The following PAK3 variants were observed in gnomAD, a reference collection of about 807,000 sequenced individuals.
The protein encoded by PAK3 is p21 (RAC1) activated kinase 3.
In PAK3, 4 loss-of-function variants were observed where a neutral mutation model predicts 41.0. The ratio of observed to expected loss-of-function variants is 0.10; its 90% CI spans 0.05 to 0.22. The LOEUF is 0.22. Ranked by LOEUF, PAK3 falls within the 10% of genes least tolerant of loss-of-function variation. The probability of loss-of-function intolerance (pLI) is 1.00; values close to 1 mark genes in which losing one functional copy is unlikely to be tolerated. For synonymous variants in PAK3, 146 were observed against 139.6 expected, an observed-to-expected ratio of 1.05 and a Z score of -0.32; for missense variants, 205 against 409.9, an observed-to-expected ratio of 0.50 and a Z score of 4.32.
intron 1 of PAK3, among the ~76,000 whole-genome samples, chrX:111,045,371 A>G (rs752514247): frequency 1.1e-4 from 12 of 111,995 alleles, no homozygotes; most frequent in African/African-American, 3.9e-4. Flanking sequence ...CAACAGTTAT[A>G]TTTTCTGGCA....
At chrX:111,148,135 T>C (rs1454643877) in intron 7 of PAK3, among the ~76,000 whole-genome samples, 1 of 112,028 alleles carries the variant, frequency 8.9e-6, no homozygotes, top group African/African-American at 3.2e-5. Context: ...CTTGAACTGG[T>C]AGTCACAATT....
chrX:111,123,380 C>G, intron 5 of PAK3, 102 bp downstream of exon 5: 1 of 686,148 alleles, frequency 1.5e-6, no homozygotes, highest in Non-Finnish European at 2.3e-6. Context: ...TGTTCAGGGC[C>G]TGCCGGCCCT....
At chrX:111,200,618 T>C (rs754804679) in intron 16 of PAK3, among the ~76,000 whole-genome samples, 27 of 112,192 alleles carry the variant, frequency 2.4e-4, no homozygotes, top group Non-Finnish European at 4.3e-4. Context: ...CATGGGCTTT[T>C]CCTTATTGTT....
intron 1 of PAK3, among the ~76,000 whole-genome samples, chrX:111,006,831 TTCTTTCTTTCTTTCTTTC>T (rs1194930151): frequency 0.018 from 252 of 13,830 alleles, no homozygotes; most frequent in Admixed American, 0.048. Flanking sequence ...CTTTCTTTCT[TTCTTTCTTTCTTTCTTTC>T]TTTTTTTTTT....
In PAK3 at chrX:110,955,653, A is replaced by C. The variant is rs917200349; in HGVS notation, c.-28+11025A>C. Among the ~76,000 whole-genome samples the C allele has an allele frequency of 1.1e-4, 12 of 111,984 alleles. No individual in the cohort carries two copies. In the Admixed American group the frequency reaches 1.1e-3, roughly 11 times the overall value. ...ACCCTGTCTCTTGATAAAACAGGAA[A>C]GAAAGGGAGAAACCAAGAAACTACG... On this transcript the variant is annotated intron_variant, in intron 1 of 14. Transcript: ENST00000425146.
intron 1 of PAK3, among the ~76,000 whole-genome samples, chrX:110,983,439 G>A (rs1432532506): frequency 9.5e-6 from 1 of 105,060 alleles, no homozygotes; most frequent in African/African-American, 3.5e-5. Context: ...TTGACAAAAA[G>A]CAATCTTAGA....
chrX:111,022,705 T>C (rs753297429), intron 1 of PAK3, among the ~76,000 whole-genome samples: 1 of 110,457 alleles, frequency 9.1e-6, no homozygotes, highest in African/African-American at 3.3e-5. Context: ...ACATTGAAAA[T>C]AGATGACCTG....
intron 4 of PAK3, among the ~76,000 whole-genome samples, chrX:111,108,288 C>T (rs1004210525): frequency 4.5e-5 from 5 of 111,931 alleles, no homozygotes; most frequent in Non-Finnish European, 7.5e-5. Flanking sequence ...TACTCTGTTA[C>T]TGGGCCTAAA....
At chrX:111,081,930 G>C (rs2092837923) in intron 1 of PAK3, among the ~76,000 whole-genome samples, 1 of 111,353 alleles carries the variant, frequency 9.0e-6, no homozygotes, top group Admixed American at 9.5e-5. Flanking sequence ...CATGCTTCTT[G>C]ACACACAATA....
intron 1 of PAK3, among the ~76,000 whole-genome samples, chrX:111,033,550 C>T (rs1056946622): frequency 8.9e-6 from 1 of 111,741 alleles, no homozygotes; most frequent in Admixed American, 9.5e-5. Context: ...CTCAGGTGGA[C>T]CCCCTTGATA....
chrX:111,163,429 A>G, intron 9 of PAK3, 133 bp from the exon 10 acceptor site: 2 of 535,250 alleles, frequency 3.7e-6, no homozygotes, highest in East Asian at 6.6e-5. Context: ...TTGTACTTTC[A>G]GCTACTCAAA....
intron 1 of PAK3, among the ~76,000 whole-genome samples, chrX:111,083,679 C>T (rs1406886020): frequency 2.7e-5 from 3 of 112,355 alleles, no homozygotes; most frequent in African/African-American, 9.7e-5. Flanking sequence ...TCATCTCAGC[C>T]ATTTCTTGGC....
rs1015320529 is a variant in PAK3, at chrX:111,227,328, A to G, written c.*6881A>G. 2.7e-5 allele frequency: 3 copies of G among 111,867 alleles called. No homozygotes were observed. Among genetic ancestry groups the G allele is most frequent in the South Asian group, 3.8e-4 (1 of 2,648 alleles). 9.2% of individuals were successfully genotyped at this position (111,867 alleles called of 1,213,427 possible). On this transcript the variant is annotated 3_prime_UTR_variant, in exon 18 of 18. Transcript: ENST00000372007. ...TATTGCAGTTTGAAACTTGGACCTA[A>G]AGTATTGCAAATAAAAATGACAAAC... is the stretch of plus-strand genomic sequence containing the variant.
intron 8 of PAK3, among the ~76,000 whole-genome samples, 189 bp from the exon 9 acceptor site, chrX:111,162,726 A>G (rs951753275): frequency 1.8e-5 from 2 of 111,793 alleles, no homozygotes; most frequent in South Asian, 3.7e-4. Context: ...TTATCTCTGA[A>G]TAAGTTCAGA....
At chrX:111,032,959 A>G (rs2092356687) in intron 1 of PAK3, among the ~76,000 whole-genome samples, 2 of 111,632 alleles carry the variant, frequency 1.8e-5, no homozygotes, top group East Asian at 5.7e-4. Context: ...ACACTTGGGC[A>G]TATATGTCAG....
At chrX:111,150,448 A>G (rs2094009802) in intron 7 of PAK3, among the ~76,000 whole-genome samples, 1 of 112,031 alleles carries the variant, frequency 8.9e-6, no homozygotes, top group Non-Finnish European at 1.9e-5. Flanking sequence ...GACATACCTA[A>G]GACTGGGAAT....
chrX:111,001,434 A>G, intron 1 of PAK3, among the ~76,000 whole-genome samples: 1 of 112,024 alleles, frequency 8.9e-6, no homozygotes, highest in East Asian at 2.8e-4. Flanking sequence ...ACTGAACTAT[A>G]ATTAATGCTG....
At chrX:111,167,892 A>G (rs1039769369) in intron 10 of PAK3, among the ~76,000 whole-genome samples, 1 of 111,059 alleles carries the variant, frequency 9.0e-6, no homozygotes, top group Non-Finnish European at 1.9e-5. Context: ...AAACCACCAC[A>G]TTTTAGTGAC....
In PAK3 at chrX:111,220,518, T is replaced by C. The variant is rs914720946; in HGVS notation, c.*71T>C. 8 of 717,392 alleles carry C rather than the reference T, an allele frequency of 1.1e-5. No homozygotes were observed. The Admixed American group carries it at 1.7e-4, about 15-fold the overall frequency. 59.1% of individuals were successfully genotyped at this position (717,392 alleles called of 1,213,427 possible). A position where few individuals can be genotyped will look rare whatever the true frequency, so the allele number is the denominator to read the frequency against. ...AAATAAAACTCTGCTGCAGGAAAGATGGAAGAAAAGACAGTCAAATGGGGT... is the reference window on the plus strand; with the variant it reads ...AAATAAAACTCTGCTGCAGGAAAGACGGAAGAAAAGACAGTCAAATGGGGT... On this transcript the variant is annotated 3_prime_UTR_variant, in exon 18 of 18. Transcript: ENST00000372007.
Sources: gnomAD v4.1 joint callset for allele counts (sites outside exome capture counted in the v4.1 genomes callset) on GRCh38, gnomAD v4.1.1 for gene constraint, MANE v1.5 for transcripts, NCBI Gene and HGNC (gene_info 2026-07-23, HGNC 2026-07-21) for gene names.